SLC6A12: variants seen among roughly 807,000 people sequenced by gnomAD.
The protein encoded by SLC6A12 is sodium- and chloride-dependent betaine transporter.
In SLC6A12, 50 loss-of-function variants were observed where a neutral mutation model predicts 73.3. That is an observed-to-expected ratio of 0.68 (90% CI 0.54 to 0.86). The LOEUF is 0.86. Among genes scored for constraint, SLC6A12 ranks in the 40% least tolerant of loss-of-function variants. SLC6A12 has a pLI of 0.00. For missense variants in SLC6A12, 648 were observed against 772.8 expected, an observed-to-expected ratio of 0.84 and a Z score of 1.92; for synonymous variants, 304 against 309.2, an observed-to-expected ratio of 0.98 and a Z score of 0.18.
chr12:195,106 G>A (rs1208265288), intron 13 of SLC6A12, 119 bp downstream of exon 13: 13 of 711,418 alleles, frequency 1.8e-5, no homozygotes, highest in African/African-American at 1.1e-4. Context: ...GGGCAACAGC[G>A]CAAAGACACA....
Position 191,229 on chromosome 12 carries a change from A to G in SLC6A12, c.1702-18T>C. 1 of 1,260,670 alleles carries G rather than the reference A, an allele frequency of 7.9e-7. No homozygotes were observed. The highest frequency in any genetic ancestry group is 4.1e-5 in the Admixed American group (1 of 24,488). 78.1% of individuals were successfully genotyped at this position (1,260,670 alleles called of 1,614,324 possible). A position where few individuals can be genotyped will look rare whatever the true frequency, so the allele number is the denominator to read the frequency against. On this transcript the variant is annotated intron_variant, in intron 15 of 15. Transcript: ENST00000684302. ...CGCAGACGCTGTGGAGAGAAGAGGC[A>G]GGGATTTGGAGCTGATGGTGAGGGA... is the stretch of plus-strand genomic sequence containing the variant.
At chr12:195,999 G>C in intron 12 of SLC6A12, 125 bp downstream of exon 12, 1 of 837,700 alleles carries the variant, frequency 1.2e-6, no homozygotes, top group East Asian at 2.7e-5. Context: ...ACTGTGGAGA[G>C]GCAGGGCAGG....
intron 3 of SLC6A12, among the ~76,000 whole-genome samples, chr12:206,875 G>T (rs926022957): frequency 5.9e-5 from 9 of 152,234 alleles, no homozygotes; most frequent in Non-Finnish European, 1.5e-5. Context: ...TGGCCCACGG[G>T]ACTCCTTCCC....
chr12:210,172 T>G (rs564864702), intron 2 of SLC6A12, 129 bp from the exon 3 acceptor site: 1 of 1,251,984 alleles, frequency 8.0e-7, no homozygotes, highest in Admixed American at 2.9e-5. Context: ...ACACCTAAAG[T>G]TCCAGTTCGT....
intron 12 of SLC6A12, 59 bp from the exon 13 acceptor site, chr12:195,386 C>A: frequency 8.9e-7 from 1 of 1,123,202 alleles, no homozygotes; most frequent in South Asian, 1.3e-5. Context: ...ACACTCCAGC[C>A]CTCAGTGAGA....
intron 7 of SLC6A12, among the ~76,000 whole-genome samples, chr12:200,234 GCAT>G: frequency 4.0e-5 from 6 of 148,736 alleles, no homozygotes; most frequent in Admixed American, 6.8e-5. Context: ...TCAGCCTCCT[GCAT>G]AGCTGGGACT....
Position 193,373 on chromosome 12 carries a change from C to T in SLC6A12, c.1434G>A (p.Ala478=), listed in dbSNP as rs370106509. ...CCTCAATGTTGTCATAGAAACGGTCCGCCCCTGAGCAGGCATGGCGTGGGA... is the reference window on the plus strand; with the variant it reads ...CCTCAATGTTGTCATAGAAACGGTCTGCCCCTGAGCAGGCATGGCGTGGGA... ...EVVCISWVYG[A]DRFYDNIEDM... is the part of the protein sequence containing the mutation. Residue 478 remains alanine, a synonymous_variant, in exon 14 of 16, where the codon GCG becomes GCA. Transcript: ENST00000684302. 12 of 1,612,968 alleles carry T rather than the reference C, an allele frequency of 7.4e-6. No homozygotes were observed. Among genetic ancestry groups the T allele is most frequent in the African/African-American group, 1.3e-5 (1 of 74,898 alleles).
intron 14 of SLC6A12, 61 bp downstream of exon 14, chr12:193,216 C>T (rs1164795311): frequency 4.1e-6 from 5 of 1,219,670 alleles, no homozygotes; most frequent in Non-Finnish European, 4.9e-6. Context: ...CCGTCCTTTC[C>T]CTCATCTCTG....
At chr12:208,604 C>T (rs753490734) in intron 3 of SLC6A12, among the ~76,000 whole-genome samples, 3 of 152,092 alleles carry the variant, frequency 2.0e-5, no homozygotes, top group Admixed American at 6.5e-5. Flanking sequence ...TCACAAAGGA[C>T]GGCGCATTGA....
chr12:186,431 A>G (rs1012461436), downstream of SLC6A12, among the ~76,000 whole-genome samples: 3 of 152,208 alleles, frequency 2.0e-5, no homozygotes, highest in Non-Finnish European at 4.4e-5. Context: ...ACGGCTTAAA[A>G]CAACCATATG....
rs1940026957 is a variant in SLC6A12, at chr12:198,240, G to A, written c.847-237C>T. On this transcript the variant is annotated intron_variant, in intron 8 of 15. Transcript: ENST00000684302. This position sits in a 1 kb window ranked among gnomAD's most constrained non-coding sequence, Gnocchi z 4.0. ...GGCACTTAGTGAGTACCAAATACAT[G>A]TGTGTTGCTTGGATTTCTCCAGGGG... Among the ~76,000 whole-genome samples the A allele has an allele frequency of 6.6e-6, 1 of 152,236 alleles. No individual in the cohort carries two copies. Among genetic ancestry groups the A allele is most frequent in the South Asian group, 2.1e-4 (1 of 4,834 alleles).
At chr12:188,311 G>A (rs1939475768), downstream of SLC6A12, among the ~76,000 whole-genome samples, 3 of 152,194 alleles carry the variant, frequency 2.0e-5, no homozygotes, top group Admixed American at 1.3e-4. Context: ...AGCAGCTGCT[G>A]GCCCAGGTGC....
downstream of SLC6A12, among the ~76,000 whole-genome samples, chr12:185,893 C>T (rs796187474): frequency 6.6e-6 from 1 of 152,370 alleles, no homozygotes; most frequent in African/African-American, 2.4e-5. Context: ...CCCATGGCCG[C>T]TGCATCAATG....
chr12:209,775 C>A lies in SLC6A12; in HGVS notation c.212G>T (p.Gly71Val). 1 of 1,614,220 alleles carries A rather than the reference C, an allele frequency of 6.2e-7. No individual in the cohort carries two copies. The highest frequency in any genetic ancestry group is 8.5e-7 in the Non-Finnish European group (1 of 1,180,048). ...RFPYLCYKNG[G>V]GAFFIPYFIF... ...TGCCTACCTCAAAGTGAACTCACCA[C>A]CTCCGTTTTTGTAGCAGAGATAGGG... The change falls in exon 3 of 16, where the codon GGT (glycine) becomes GTT (valine). Residue 71 changes from glycine to valine, a missense_variant and splice_region_variant. Transcript: ENST00000684302.
rs1453600749 is a variant in SLC6A12 at position 195,313 on chromosome 12, G to GATGTACAT, written c.1333_1340dup (p.Phe448CysfsTer28). 6.2e-7 allele frequency: 1 copy of GATGTACAT among 1,610,858 alleles called. No homozygotes were observed. The highest frequency in any genetic ancestry group is 1.3e-5 in the African/African-American group (1 of 74,874). ...AAGCATAGTAGTCAAACAGCTGGAA[G>GATGTACAT]ATGTACATCCCGCCCTGTGGGGAGA... On this transcript the variant is annotated frameshift_variant, in exon 13 of 16. Transcript: ENST00000684302. LOFTEE classifies it high-confidence loss of function.
At chr12:203,015 C>T (rs1940362934) in intron 4 of SLC6A12, 135 bp from the exon 5 acceptor site, 1 of 525,754 alleles carries the variant, frequency 1.9e-6, no homozygotes, top group Non-Finnish European at 3.3e-6. Context: ...TATCCAGTGG[C>T]ATGAGAAGCC....
the SLC6A12 span, among the ~76,000 whole-genome samples, chr12:184,939 A>C: frequency 6.6e-6 from 1 of 151,984 alleles, no homozygotes; most frequent in African/African-American, 2.4e-5. Context: ...TCAAAAAAAA[A>C]AAAAAATCAT....
chr12:190,096 AC>A lies in SLC6A12; in HGVS notation c.*971del. On this transcript the variant is annotated 3_prime_UTR_variant, in exon 16 of 16. Coordinates refer to ENST00000684302, the MANE Select transcript of SLC6A12 (RefSeq NM_001122848.3). ...CCAGCACGCATGGAAGGCAATCCAT[AC>A]ACACTTGTTAACTAAGGCAGGGGGT... The A allele has an allele frequency of 6.6e-6, 1 of 152,342 alleles. No individual in the cohort carries two copies. Among genetic ancestry groups the A allele is most frequent in the Non-Finnish European group, 1.5e-5 (1 of 68,114 alleles). The allele number at this position is 152,342 out of a possible 1,614,324, so 9.4% of individuals were successfully genotyped here.
intron 7 of SLC6A12, chr12:199,170 G>C (rs908738489): frequency 9.4e-6 from 5 of 534,030 alleles, no homozygotes; most frequent in African/African-American, 7.6e-5. Flanking sequence ...GAGGAAGACA[G>C]GGAGGGAGGC....
Sources: gnomAD v4.1 joint callset for allele counts (sites outside exome capture counted in the v4.1 genomes callset) on GRCh38, gnomAD v4.1.1 for gene constraint, Gnocchi (gnomAD v3.1) non-coding constraint, MANE v1.5 for transcripts, NCBI Gene and HGNC (gene_info 2026-07-23, HGNC 2026-07-21) for gene names.